The following FREM2 variants were observed in gnomAD, a reference collection of about 807,000 sequenced individuals.
FREM2 encodes the protein FRAS1-related extracellular matrix protein 2.
A neutral mutation model predicts 219.9 loss-of-function variants in FREM2; 119 were observed. The ratio of observed to expected loss-of-function variants is 0.54; its 90% CI spans 0.47 to 0.63. The LOEUF is 0.63. Among genes scored for constraint, FREM2 ranks in the 30% least tolerant of loss-of-function variants. The pLI, the probability that FREM2 is intolerant of heterozygous loss-of-function variation, is 0.00. For missense variants in FREM2, 4,030 were observed against 3,993.6 expected, an observed-to-expected ratio of 1.01 and a Z score of -0.25; for synonymous variants, 1,562 against 1,522.8, an observed-to-expected ratio of 1.03 and a Z score of -0.60.
rs1203589208 is a variant in FREM2, at chr13:38,883,898, C to T, written c.*3111C>T. ...CAGATTTATACAAAATGATTCAAAC[C>T]AGTAACTTAGTAAAATTGACCTTCG... On this transcript the variant is annotated 3_prime_UTR_variant, in exon 24 of 24. Transcript: ENST00000280481. 1.3e-5 allele frequency: 2 copies of T among 152,166 alleles called. No individual in the cohort carries two copies. Among genetic ancestry groups the T allele is most frequent in the African/African-American group, 4.8e-5 (2 of 41,446 alleles). The allele number at this position is 152,166 out of a possible 1,614,324, so 9.4% of individuals were successfully genotyped here.
chr13:38,840,625 A>AAT (rs66795118), intron 6 of FREM2, among the ~76,000 whole-genome samples: 1,739 of 135,096 alleles, frequency 0.013, 16 homozygotes, highest in Middle Eastern at 0.029. Flanking sequence ...ATAAAACTAA[A>AAT]ATATATATAT....
intron 2 of FREM2, among the ~76,000 whole-genome samples, chr13:38,707,929 A>C (rs1870604027): frequency 6.6e-6 from 1 of 152,172 alleles, no homozygotes; most frequent in African/African-American, 2.4e-5. Flanking sequence ...CCTCAGGGTC[A>C]TTTTGTTTCA....
At position 38,880,413 on chromosome 13, in the gene FREM2, A is replaced by G; in HGVS notation, c.9136A>G (p.Thr3046Ala). 1 of 1,614,166 alleles carries G rather than the reference A, an allele frequency of 6.2e-7. No homozygotes were observed. The highest frequency in any genetic ancestry group is 8.5e-7 in the Non-Finnish European group (1 of 1,180,044). Reference sequence around the variant, plus strand: ...GGTGAGTCAAGGAAAGCCCCAATCCACCACCAAGAGCCGGAAGAAGAGAGA... The same window carrying G: ...GGTGAGTCAAGGAAAGCCCCAATCCGCCACCAAGAGCCGGAAGAAGAGAGA... The part of the protein sequence containing the change: ...SLVSQGKPQS[T>A]TKSRKKREIR... Residue 3046 changes from threonine (T) to alanine (A), a missense_variant, in exon 24 of 24, where the codon ACC (threonine) becomes GCC (alanine). Thr to Ala is a moderately conservative substitution (Grantham distance 58). Coordinates refer to ENST00000280481, the MANE Select transcript of FREM2 (RefSeq NM_207361.6).
chr13:38,734,247 A>G (rs1011187776), intron 2 of FREM2, among the ~76,000 whole-genome samples: 8 of 152,106 alleles, frequency 5.3e-5, no homozygotes. Context: ...ACCCTATCTC[A>G]TTCCTCCCCC....
At chr13:38,813,760 T>C (rs1227725351) in intron 6 of FREM2, among the ~76,000 whole-genome samples, 7 of 151,366 alleles carry the variant, frequency 4.6e-5, no homozygotes, top group African/African-American at 2.4e-5. Context: ...GGAAGTTCTC[T>C]GATATTATCC....
At chr13:38,874,271 A>C (rs1159925615) in intron 17 of FREM2, among the ~76,000 whole-genome samples, 1 of 152,214 alleles carries the variant, frequency 6.6e-6, no homozygotes, top group Non-Finnish European at 1.5e-5. Flanking sequence ...GACTTCACTC[A>C]TGTTACTTAA....
At chr13:38,874,143 G>A (rs1477096497) in intron 17 of FREM2, among the ~76,000 whole-genome samples, 3 of 152,040 alleles carry the variant, frequency 2.0e-5, no homozygotes, top group African/African-American at 7.2e-5. Context: ...CTATTTACAT[G>A]TCCGAATCTC....
chr13:38,784,957 T>A, intron 6 of FREM2, 149 bp downstream of exon 6: 2 of 861,204 alleles, frequency 2.3e-6, no homozygotes, highest in Non-Finnish European at 3.5e-6. Flanking sequence ...GTTTCAAAGT[T>A]GGCTGCATCT....
chr13:38,691,762 A>C lies in FREM2; in HGVS notation c.4418A>C (p.Asp1473Ala), dbSNP rs1219520156. 5 of 1,614,172 alleles carry C rather than the reference A, an allele frequency of 3.1e-6. No homozygotes were observed. Among genetic ancestry groups the C allele is most frequent in the Non-Finnish European group, 3.4e-6 (4 of 1,180,028 alleles). The change falls in exon 1 of 24, where the codon GAT (aspartate) becomes GCT (alanine). Residue 1473 changes from aspartate to alanine, a missense_variant. By Grantham distance (126) the Asp-to-Ala change is moderately radical (BLOSUM62 -2). This residue lies in a region of FREM2 where 3,102 missense variants were observed against 2,950.7 expected (regional missense o/e 1.05). Coordinates refer to ENST00000280481, the MANE Select transcript of FREM2 (RefSeq NM_207361.6). ...APMRGHLECT[D>A]QPGVSITSFT... ...ATGCGAGGTCACCTGGAATGCACGG[A>C]TCAGCCTGGTGTGTCCATCACGTCT...
At chr13:38,754,282 C>T (rs2137797706) in intron 2 of FREM2, among the ~76,000 whole-genome samples, 1 of 152,208 alleles carries the variant, frequency 6.6e-6, no homozygotes, top group East Asian at 1.9e-4. Flanking sequence ...TAATACTTAT[C>T]ATTTGAGGGC....
rs756847898 is a variant in FREM2 at position 38,691,894 on chromosome 13, C to T, written c.4550C>T (p.Pro1517Leu). 2 of 1,614,174 alleles carry T rather than the reference C, an allele frequency of 1.2e-6. No individual in the cohort carries two copies. The highest frequency in any genetic ancestry group is 2.2e-5 in the South Asian group (2 of 91,084). Residue 1517 changes from proline (P) to leucine (L), a missense_variant, in exon 1 of 24, where the codon CCT (proline) becomes CTT (leucine). Pro to Leu is a moderately conservative substitution (Grantham distance 98). This residue lies in a region of FREM2 where 3,102 missense variants were observed against 2,950.7 expected (regional missense o/e 1.05). Transcript: ENST00000280481. The part of the protein sequence containing the change: ...FEFQVTDGRN[P>L]VFRTFRISIS... ...TTTCAAGTCACCGATGGACGTAACC[C>T]TGTCTTTCGGACATTCCGTATCTCC...
At chr13:38,858,455 A>G (rs1384304622) in intron 13 of FREM2, among the ~76,000 whole-genome samples, 1 of 152,112 alleles carries the variant, frequency 6.6e-6, no homozygotes, top group Non-Finnish European at 1.5e-5. Context: ...TGGAATTTTG[A>G]CTCTTTAGGA....
intron 2 of FREM2, among the ~76,000 whole-genome samples, chr13:38,745,093 C>T (rs1872412730): frequency 6.6e-6 from 1 of 152,124 alleles, no homozygotes; most frequent in Non-Finnish European, 1.5e-5. Flanking sequence ...ATAATCCTAA[C>T]ATTAAGGTAA....
At chr13:38,733,907 T>C (rs1871872166) in intron 2 of FREM2, among the ~76,000 whole-genome samples, 1 of 152,324 alleles carries the variant, frequency 6.6e-6, no homozygotes, top group South Asian at 2.1e-4. Context: ...ACAAAATATC[T>C]TAGATAGAAC....
Position 38,687,538 on chromosome 13 carries a change from G to T in FREM2, c.194G>T (p.Gly65Val), listed in dbSNP as rs1406328307. 1 of 1,601,262 alleles carries T rather than the reference G, an allele frequency of 6.2e-7. No individual in the cohort carries two copies. Among genetic ancestry groups the T allele is most frequent in the East Asian group, 2.2e-5 (1 of 44,578 alleles). ...TCCCCTGGTCTCGCGGGGGCTGCAGGGGTCCCTGCTGAGGAGGCCATAGTG... is the reference window on the plus strand; with the variant it reads ...TCCCCTGGTCTCGCGGGGGCTGCAGTGGTCCCTGCTGAGGAGGCCATAGTG... ...LLSPGLAGAAGVPAEEAIVLA... is the reference protein window; with the variant it reads ...LLSPGLAGAAVVPAEEAIVLA... Residue 65 changes from glycine (G) to valine (V), a missense_variant, in exon 1 of 24, where the codon GGG (glycine) becomes GTG (valine). Physicochemically the swap from Gly to Val is moderately radical, Grantham distance 109. This residue lies in a region of FREM2 where 3,102 missense variants were observed against 2,950.7 expected (regional missense o/e 1.05). Transcript: ENST00000280481.
chr13:38,688,294 C>T lies in FREM2; in HGVS notation c.950C>T (p.Ala317Val). The change falls in exon 1 of 24, where the codon GCA becomes GTA. Residue 317 changes from alanine (A) to valine (V), a missense_variant. Physicochemically the swap from Ala to Val is moderately conservative, Grantham distance 64 (BLOSUM62 0). Coordinates refer to ENST00000280481, the MANE Select transcript of FREM2 (RefSeq NM_207361.6). ...VRIRGGAENT[A>V]PKPSFVAMMM... is the part of the protein sequence containing the mutation. ...ATCCGAGGAGGGGCCGAGAACACTG[C>T]ACCCAAGCCCAGTTTCGTGGCCATG... 6.2e-7 allele frequency: 1 copy of T among 1,614,176 alleles called. No homozygotes were observed.
chr13:38,769,546 A>T (rs1287751566), intron 3 of FREM2, 32 bp from the exon 4 acceptor site: 2 of 1,555,328 alleles, frequency 1.3e-6, no homozygotes, highest in Admixed American at 3.4e-5. Flanking sequence ...GCGAAAATGA[A>T]ACTAAGAAAA....
chr13:38,850,877 T>G (rs1362507772), intron 9 of FREM2, 67 bp from the exon 10 acceptor site: 1 of 1,574,992 alleles, frequency 6.3e-7, no homozygotes, highest in Non-Finnish European at 8.6e-7. Context: ...GCCCTTATGG[T>G]GCTCACATTC....
intron 2 of FREM2, among the ~76,000 whole-genome samples, chr13:38,744,482 T>C (rs974289800): frequency 6.6e-5 from 10 of 151,932 alleles, no homozygotes; most frequent in African/African-American, 2.4e-4. Context: ...AGGCTCCAAT[T>C]ATTTTATTAT....
Sources: gnomAD v4.1 joint callset for allele counts (sites outside exome capture counted in the v4.1 genomes callset) on GRCh38, gnomAD v4.1.1 for gene constraint, gnomAD v4.1.1 regional missense constraint, MANE v1.5 for transcripts, NCBI Gene and HGNC (gene_info 2026-07-23, HGNC 2026-07-21) for gene names.